MTR: variants seen among roughly 807,000 people sequenced by gnomAD.
MTR encodes 5-methyltetrahydrofolate-homocysteine methyltransferase.
Under a neutral mutation model 154.8 loss-of-function variants are expected in MTR, and 84 were observed. That is an observed-to-expected ratio of 0.54 (90% confidence interval 0.45 to 0.65). The LOEUF (loss-of-function observed/expected upper bound fraction) is 0.65. MTR is among the 30% of genes least tolerant of loss of function. MTR has a pLI of 0.00. For missense variants in MTR, 1,275 were observed against 1,570.2 expected (o/e 0.81, Z 3.18); for synonymous variants, 554 against 553.9 (o/e 1.00, Z 0.00).
At chr1:236,811,787 C>T in intron 5 of MTR, 1 of 426,500 alleles carries the variant, frequency 2.3e-6, no homozygotes. Flanking sequence ...CAAATAATGT[C>T]ATTTCCTTCA....
intron 1 of MTR, among the ~76,000 whole-genome samples, chr1:236,802,324 A>G (rs1441146246): frequency 6.6e-6 from 1 of 152,144 alleles, no homozygotes; most frequent in Non-Finnish European, 1.5e-5. Context: ...GACAGTTTAA[A>G]AGCTGGGTCT....
chr1:236,881,699 T>A (rs912391912), intron 25 of MTR, among the ~76,000 whole-genome samples: 14 of 152,122 alleles, frequency 9.2e-5, no homozygotes, highest in South Asian at 2.1e-4. Context: ...GTGACCGCAT[T>A]TCCTGAGCTA....
chr1:236,839,117 G>A (rs997708665), intron 15 of MTR, among the ~76,000 whole-genome samples: 4 of 152,202 alleles, frequency 2.6e-5, no homozygotes, highest in African/African-American at 9.7e-5. Context: ...GACTGTATAT[G>A]AAAATCTGAT....
intron 22 of MTR, among the ~76,000 whole-genome samples, chr1:236,864,641 A>G (rs574837921): frequency 2.0e-5 from 3 of 152,356 alleles, no homozygotes; most frequent in South Asian, 4.1e-4. Context: ...GATAGTTGTA[A>G]TGAAATTTTA....
At chr1:236,814,361 G>T (rs1661472187) in intron 6 of MTR, among the ~76,000 whole-genome samples, 1 of 152,130 alleles carries the variant, frequency 6.6e-6, no homozygotes, top group South Asian at 2.1e-4. Flanking sequence ...TCACGGTATT[G>T]TTCAGATTAG....
In MTR at chr1:236,897,312, A is replaced by ATGCGCGCGCGCG. The variant is rs1553331097; in HGVS notation, c.3711+194_3711+195insTGCGCGCGCGCG. On this transcript the variant is annotated intron_variant, in intron 32 of 32. Coordinates refer to ENST00000366577, the MANE Select transcript of MTR (RefSeq NM_000254.3). The stretch of plus-strand genomic sequence containing the variant: ...TTCTACATGCAAGCCACACACACGC[A>ATGCGCGCGCGCG]CACACACACACACACACACACACAC... Among the ~76,000 whole-genome samples the ATGCGCGCGCGCG allele has an allele frequency of 6.0e-3, 395 of 66,222 alleles. 1 individual carries two copies. The highest frequency in any genetic ancestry group is 0.019 in the African/African-American group (379 of 19,632). 43.4% of individuals were successfully genotyped at this position (66,222 alleles called of 152,430 possible).
chr1:236,872,014 GT>G (rs1324096194), intron 22 of MTR, among the ~76,000 whole-genome samples: 12 of 151,964 alleles, frequency 7.9e-5, no homozygotes, highest in Non-Finnish European at 1.0e-4. Flanking sequence ...TTATTTAAAC[GT>G]TTTTGCCTAT....
intron 18 of MTR, among the ~76,000 whole-genome samples, chr1:236,856,796 C>G (rs1664232988): frequency 3.9e-5 from 6 of 152,238 alleles, no homozygotes; most frequent in Admixed American, 3.9e-4. Flanking sequence ...GTTTTCTGTT[C>G]CTGTGTTAGT....
chr1:236,852,261 GT>G (rs1663948539), intron 16 of MTR, among the ~76,000 whole-genome samples: 5 of 151,206 alleles, frequency 3.3e-5, no homozygotes, highest in African/African-American at 1.2e-4. Flanking sequence ...TTCTGCGTGT[GT>G]GTGTGTGTGT....
chr1:236,897,522 A>G (rs773540647), intron 32 of MTR, 36 bp from the exon 33 acceptor site: 31 of 1,577,712 alleles, frequency 2.0e-5, no homozygotes, highest in South Asian at 4.4e-5. Context: ...AAGTCTTATC[A>G]TGTTGGTTTA....
chr1:236,838,282 T>C, intron 14 of MTR, 132 bp from the exon 15 acceptor site: 2 of 903,412 alleles, frequency 2.2e-6, no homozygotes, highest in Non-Finnish European at 3.4e-6. Context: ...ATTAAAATTC[T>C]ATCTCTGACA....
chr1:236,837,955 G>GT (rs1005352122), intron 14 of MTR, among the ~76,000 whole-genome samples: 69 of 150,960 alleles, frequency 4.6e-4, no homozygotes, highest in African/African-American at 8.0e-4. Context: ...CTCTTTTTTT[G>GT]TTTTTTTTCA....
At chr1:236,813,577 C>G (rs1332513798) in intron 6 of MTR, among the ~76,000 whole-genome samples, 2 of 152,184 alleles carry the variant, frequency 1.3e-5, no homozygotes, top group Non-Finnish European at 2.9e-5. Context: ...TCCAGTTTGA[C>G]AGGTGGTACC....
chr1:236,810,764 TAGAA>T (rs1661256150), intron 5 of MTR, among the ~76,000 whole-genome samples, 169 bp downstream of exon 5: 1 of 152,226 alleles, frequency 6.6e-6, no homozygotes, highest in Non-Finnish European at 1.5e-5. Flanking sequence ...GACATCTAAA[TAGAA>T]AGTTAGCTAT....
intron 18 of MTR, among the ~76,000 whole-genome samples, chr1:236,859,629 C>G (rs1664403884): frequency 6.6e-6 from 1 of 152,206 alleles, no homozygotes; most frequent in Non-Finnish European, 1.5e-5. Context: ...ACTAACAGTT[C>G]AAACCCTAAA....
At chr1:236,884,813 G>A (rs923121669) in intron 25 of MTR, among the ~76,000 whole-genome samples, 3 of 152,148 alleles carry the variant, frequency 2.0e-5, no homozygotes, top group Admixed American at 1.3e-4. Context: ...TAGCATAAAC[G>A]ATGTGACGTG....
intron 15 of MTR, among the ~76,000 whole-genome samples, chr1:236,839,110 TG>T (rs1411318493): frequency 1.3e-5 from 2 of 152,250 alleles, no homozygotes; most frequent in African/African-American, 4.8e-5. Flanking sequence ...GGTCAATGAC[TG>T]TATATGAAAA....
chr1:236,862,656 A>C (rs1198380238), intron 21 of MTR, among the ~76,000 whole-genome samples: 1 of 152,228 alleles, frequency 6.6e-6, no homozygotes, highest in Non-Finnish European at 1.5e-5. Flanking sequence ...TGTGCCAAGT[A>C]CTGTGCCAGG....
intron 29 of MTR, among the ~76,000 whole-genome samples, chr1:236,891,573 C>T (rs1419413778): frequency 6.6e-6 from 1 of 151,946 alleles, no homozygotes; most frequent in Non-Finnish European, 1.5e-5. Context: ...TATTGTGTTC[C>T]ATGGATGGGC....
Sources: allele counts gnomAD v4.1 joint callset (sites outside exome capture counted in the v4.1 genomes callset), GRCh38; gene constraint gnomAD v4.1.1; transcripts MANE v1.5; gene names NCBI Gene and HGNC (gene_info 2026-07-23, HGNC 2026-07-21).